The following OPCML variants were observed in gnomAD, a reference collection of about 807,000 sequenced individuals.
OPCML encodes the protein opioid binding protein/cell adhesion molecule like.
OPCML carries 13 observed loss-of-function variants against 37.8 expected under a neutral mutation model. The ratio of observed to expected loss-of-function variants is 0.34; its 90% CI spans 0.22 to 0.55. The LOEUF is 0.55. Among genes scored for constraint, OPCML ranks in the 20% least tolerant of loss-of-function variants. The probability of loss-of-function intolerance (pLI) is 0.91; values close to 1 mark genes in which losing one functional copy is unlikely to be tolerated. For missense variants in OPCML, 341 were observed against 435.6 expected (o/e 0.78, Z 1.93); for synonymous variants, 176 against 168.8 (o/e 1.04, Z -0.33).
intron 1 of OPCML, among the ~76,000 whole-genome samples, chr11:133,282,130 A>G (rs772598865): frequency 6.6e-5 from 10 of 152,240 alleles, no homozygotes; most frequent in Non-Finnish European, 1.5e-4. Context: ...CAGGTTGTGT[A>G]GCAACCACTT....
chr11:133,055,943 G>A (rs563923905), intron 1 of OPCML, among the ~76,000 whole-genome samples: 60 of 142,510 alleles, frequency 4.2e-4, no homozygotes, highest in African/African-American at 1.5e-3. Flanking sequence ...ACTTCCAAGT[G>A]GTGAGACCCC....
chr11:133,112,934 A>G (rs937397445), intron 1 of OPCML, among the ~76,000 whole-genome samples: 2 of 152,230 alleles, frequency 1.3e-5, no homozygotes, highest in Admixed American at 1.3e-4. Flanking sequence ...GTCAGATGAC[A>G]CATATCTTCC....
chr11:133,003,209 G>T (rs1057096321), intron 1 of OPCML, among the ~76,000 whole-genome samples: 1 of 152,172 alleles, frequency 6.6e-6, no homozygotes, highest in Non-Finnish European at 1.5e-5. Flanking sequence ...GTGGCTGAAA[G>T]CAATAGAAAT....
chr11:133,489,321 A>C (rs1041796554), intron 1 of OPCML, among the ~76,000 whole-genome samples: 2 of 152,120 alleles, frequency 1.3e-5, no homozygotes, highest in Non-Finnish European at 2.9e-5. Context: ...AAAAAACTGT[A>C]AACTATGCAT....
chr11:133,253,745 C>T (rs1316446015), intron 1 of OPCML, among the ~76,000 whole-genome samples: 1 of 152,124 alleles, frequency 6.6e-6, no homozygotes, highest in Non-Finnish European at 1.5e-5. Flanking sequence ...GAAAACAAGA[C>T]ACAAGCAAGT....
chr11:133,390,231 G>A (rs559268803), intron 1 of OPCML, among the ~76,000 whole-genome samples: 41 of 152,254 alleles, frequency 2.7e-4, no homozygotes, highest in Admixed American at 5.2e-4. Flanking sequence ...AGGCCGAGGC[G>A]GACGGATCAC....
intron 1 of OPCML, among the ~76,000 whole-genome samples, chr11:133,461,453 C>T (rs1946856878): frequency 6.6e-6 from 1 of 151,618 alleles, no homozygotes. Context: ...TAATAGTGAA[C>T]AATTCAAAAA....
At chr11:133,265,039 G>A (rs1361207614) in intron 1 of OPCML, among the ~76,000 whole-genome samples, 20 of 152,102 alleles carry the variant, frequency 1.3e-4, no homozygotes, top group African/African-American at 2.7e-4. Context: ...GACTCGCTGC[G>A]CCGTGGGAAT....
intron 1 of OPCML, among the ~76,000 whole-genome samples, chr11:132,955,341 A>C (rs1340239945): frequency 6.6e-6 from 1 of 152,122 alleles, no homozygotes; most frequent in Non-Finnish European, 1.5e-5. Context: ...GAATTGTTTC[A>C]GGTCAAAACA....
chr11:133,400,818 A>G (rs1198007557), intron 1 of OPCML, among the ~76,000 whole-genome samples: 1 of 152,128 alleles, frequency 6.6e-6, no homozygotes, highest in African/African-American at 2.4e-5. Flanking sequence ...CCATGACTCA[A>G]GTTGGGATCC....
At chr11:133,227,852 C>T (rs1940105384) in intron 1 of OPCML, among the ~76,000 whole-genome samples, 2 of 152,174 alleles carry the variant, frequency 1.3e-5, no homozygotes, top group Non-Finnish European at 2.9e-5. Context: ...GACTTAATCG[C>T]TAAGATGCCC....
intron 2 of OPCML, among the ~76,000 whole-genome samples, chr11:132,855,266 A>G (rs77537694): frequency 0.092 from 14,020 of 152,170 alleles, 709 homozygotes; most frequent in Middle Eastern, 0.17. Flanking sequence ...GGTGGACTCA[A>G]TGCGCAAGGG....
At chr11:133,127,904 T>A (rs181571642) in intron 1 of OPCML, among the ~76,000 whole-genome samples, 3 of 151,514 alleles carry the variant, frequency 2.0e-5, no homozygotes, top group Admixed American at 2.0e-4. Flanking sequence ...GAGTGACGGG[T>A]CTGGTTGGCC....
At chr11:132,682,272 T>C (rs2135856415) in intron 2 of OPCML, among the ~76,000 whole-genome samples, 2 of 152,280 alleles carry the variant, frequency 1.3e-5, no homozygotes, top group East Asian at 1.9e-4. Context: ...CCTGTTTCAG[T>C]AGGTTTCTAA....
intron 1 of OPCML, among the ~76,000 whole-genome samples, chr11:133,081,495 C>T (rs898819664): frequency 2.0e-5 from 3 of 152,194 alleles, no homozygotes; most frequent in Admixed American, 1.3e-4. Flanking sequence ...ATGAATGAAG[C>T]GCTCTTACAC....
chr11:133,400,873 C>T (rs1442126238), intron 1 of OPCML, among the ~76,000 whole-genome samples: 1 of 152,194 alleles, frequency 6.6e-6, no homozygotes, highest in East Asian at 1.9e-4. Context: ...TGTATGCTAG[C>T]TAGTCCTATG....
chr11:132,855,092 T>C (rs1591707446), intron 2 of OPCML, among the ~76,000 whole-genome samples: 1 of 152,326 alleles, frequency 6.6e-6, no homozygotes, highest in East Asian at 1.9e-4. Flanking sequence ...AATGGAGGCA[T>C]AATTTGTATA....
intron 1 of OPCML, among the ~76,000 whole-genome samples, chr11:133,469,914 A>G (rs147982669): frequency 2.0e-4 from 30 of 152,298 alleles, no homozygotes; most frequent in South Asian, 4.1e-4. Flanking sequence ...GAACCAACTA[A>G]GTTCACAATA....
At chr11:133,327,843 T>G (rs1269290485) in intron 1 of OPCML, among the ~76,000 whole-genome samples, 1 of 152,134 alleles carries the variant, frequency 6.6e-6, no homozygotes, top group Non-Finnish European at 1.5e-5. Context: ...GGAGTCCACC[T>G]AAGCCTGGAA....
Sources: gnomAD v4.1 joint callset for allele counts (sites outside exome capture counted in the v4.1 genomes callset) on GRCh38, gnomAD v4.1.1 for gene constraint, MANE v1.5 for transcripts, NCBI Gene and HGNC (gene_info 2026-07-23, HGNC 2026-07-21) for gene names.